Variants in PHACTR2 observed in about 807,000 individuals in gnomAD.
PHACTR2 encodes the protein phosphatase and actin regulator 2, also known as chromosome 6 open reading frame 56.
A neutral mutation model predicts 76.0 loss-of-function variants in PHACTR2; 30 were observed. The observed-to-expected ratio is 0.39, with a 90% CI of 0.30 to 0.54. The LOEUF is 0.54. Among genes scored for constraint, PHACTR2 ranks in the 20% least tolerant of loss-of-function variants. The pLI is 0.61. For missense variants in PHACTR2, 696 were observed against 781.1 expected (o/e 0.89, Z 1.30); for synonymous variants, 292 against 292.5 (o/e 1.00, Z 0.02).
At position 143,611,095 on chromosome 6, in the gene PHACTR2, T is replaced by C. The variant is rs9496700; in HGVS notation, c.13+2773T>C. 6.6e-6 allele frequency among the ~76,000 whole-genome samples: 1 copy of C among 152,122 alleles called. No homozygotes were observed. The highest frequency in any genetic ancestry group is 2.4e-5 in the African/African-American group (1 of 41,394). ...CAGAGGCAAAGTTGATTGGTGTGTG[T>C]TTTTTATCTGAAACACAATTTTTGA... On this transcript the variant is annotated intron_variant, in intron 1 of 11. Coordinates refer to the PHACTR2 transcript ENST00000305766. The surrounding 1 kb of genome is among the most constrained non-coding windows in gnomAD (Gnocchi z 4.4).
intron 1 of PHACTR2, among the ~76,000 whole-genome samples, chr6:143,544,253 G>GGAAA (rs1554286377): frequency 1.4e-5 from 2 of 144,070 alleles, no homozygotes; most frequent in Non-Finnish European, 2.9e-5. Flanking sequence ...GGAGGGAGTG[G>GGAAA]GAAGGAAGGA....
In PHACTR2 at chr6:143,775,780, G is replaced by A. The variant is rs1775259586; in HGVS notation, c.1590-1548G>A. Among the ~76,000 whole-genome samples the A allele has an allele frequency of 6.6e-6, 1 of 152,186 alleles. No individual in the cohort carries two copies. Among genetic ancestry groups the A allele is most frequent in the Non-Finnish European group, 1.5e-5 (1 of 68,034 alleles). The stretch of plus-strand genomic sequence containing the variant: ...TTATCATAGTAAGGAGTAAAAAAGT[G>A]TGAAGTATCCTATACCCACCTCAAT... On this transcript the variant is annotated intron_variant, in intron 8 of 12. Coordinates refer to ENST00000440869, the MANE Select transcript of PHACTR2 (RefSeq NM_001100164.2). The surrounding 1 kb of genome is among the most constrained non-coding windows in gnomAD (Gnocchi z 4.4).
At position 143,561,257 on chromosome 6, in the gene PHACTR2, C is replaced by CA. The variant is rs2128429533; in HGVS notation, c.217+24051dup. The CA allele has an allele frequency of 6.6e-6, 1 of 152,444 alleles. No individual in the cohort carries two copies. The highest frequency in any genetic ancestry group is 2.1e-4 in the South Asian group (1 of 4,824). 9.4% of individuals were successfully genotyped at this position (152,444 alleles called of 1,614,324 possible). ...ATTTCCCCTCCTCACCCTGTGATGACAGTCTTAGCACTCAAGATGTGGTGA... is the reference window on the plus strand; with the variant it reads ...ATTTCCCCTCCTCACCCTGTGATGACAAGTCTTAGCACTCAAGATGTGGTGA... On this transcript the variant is annotated intron_variant, in intron 1 of 11. Transcript: ENST00000367584. This position sits in a 1 kb window ranked among gnomAD's most constrained non-coding sequence, Gnocchi z 4.1.
At chr6:143,773,509 T>C (rs1277694109) in intron 7 of PHACTR2, among the ~76,000 whole-genome samples, 5 of 147,774 alleles carry the variant, frequency 3.4e-5, no homozygotes, top group Admixed American at 3.4e-4. Flanking sequence ...CTTTTTCAAA[T>C]CCCTTTTAAT....
rs1775597168 is a variant in PHACTR2 at position 143,583,617 on chromosome 6, A to G, written c.217+46410A>G. Reference sequence around the variant, plus strand: ...GTATGGAGAGAGCGAGGGCTAAAGTAGAGACTGTAGATATTATGTGCCTAA... The same window carrying G: ...GTATGGAGAGAGCGAGGGCTAAAGTGGAGACTGTAGATATTATGTGCCTAA... On this transcript the variant is annotated intron_variant, in intron 1 of 11. Coordinates refer to the PHACTR2 transcript ENST00000367584. This position sits in a 1 kb window ranked among gnomAD's most constrained non-coding sequence, Gnocchi z 4.0. Among the ~76,000 whole-genome samples the G allele has an allele frequency of 1.3e-5, 2 of 152,398 alleles. No homozygotes were observed. Among genetic ancestry groups the G allele is most frequent in the South Asian group, 4.1e-4 (2 of 4,830 alleles).
Position 143,554,775 on chromosome 6 carries a change from G to A in PHACTR2, c.217+17568G>A, listed in dbSNP as rs1775147986. 1 of 152,100 alleles carries A rather than the reference G, an allele frequency of 6.6e-6. No homozygotes were observed. Among genetic ancestry groups the A allele is most frequent in the African/African-American group, 2.4e-5 (1 of 41,410 alleles). The allele number at this position is 152,100 out of a possible 1,614,324, so 9.4% of individuals were successfully genotyped here. On this transcript the variant is annotated intron_variant, in intron 1 of 11. Transcript: ENST00000367584. The surrounding 1 kb of genome is among the most constrained non-coding windows in gnomAD (Gnocchi z 5.9). Reference sequence around the variant, plus strand: ...ACTGCCAGTCTAAGAGGTCAAAAGTGTAATTTTGTCTTTCCCTGATTACTA... The same window carrying A: ...ACTGCCAGTCTAAGAGGTCAAAAGTATAATTTTGTCTTTCCCTGATTACTA...
intron 1 of PHACTR2, among the ~76,000 whole-genome samples, chr6:143,649,322 TAAACA>T (rs1167982793): frequency 2.0e-5 from 3 of 152,142 alleles, no homozygotes; most frequent in Non-Finnish European, 4.4e-5. Context: ...AAAATGCTGG[TAAACA>T]CTAACTAATT....
chr6:143,635,818 T>C (rs138292882), intron 1 of PHACTR2, among the ~76,000 whole-genome samples: 44 of 152,350 alleles, frequency 2.9e-4, no homozygotes, highest in African/African-American at 1.0e-3. Flanking sequence ...TTTATTTGTA[T>C]GTAAATAAGA....
intron 1 of PHACTR2, among the ~76,000 whole-genome samples, chr6:143,668,983 T>G (rs891233152): frequency 7.9e-5 from 12 of 152,228 alleles, no homozygotes; most frequent in Non-Finnish European, 4.4e-5. Flanking sequence ...TTTTAGATCT[T>G]TCCTGCTTTC....
rs752411940 is a variant in PHACTR2 at position 143,760,445 on chromosome 6, C to T, written c.499C>T (p.Pro167Ser). The part of the protein sequence containing the change: ...HSETPAAPAL[P>S]PSAPPKPRPK... ...TGAAACACCGGCAGCTCCTGCTCTA[C>T]CTCCTTCTGCTCCTCCTAAGCCTAG... is the stretch of plus-strand genomic sequence containing the variant. The change falls in exon 5 of 13, where the codon CCT (proline) becomes TCT (serine). Residue 167 changes from proline (P) to serine (S), a missense_variant. Transcript: ENST00000440869. This position sits in a 1 kb window ranked among gnomAD's most constrained non-coding sequence, Gnocchi z 6.4. 4 of 1,613,568 alleles carry T rather than the reference C, an allele frequency of 2.5e-6. No homozygotes were observed. In the East Asian group the frequency reaches 8.9e-5, roughly 36 times the overall value.
At chr6:143,752,198 G>A (rs949665051) in intron 3 of PHACTR2, among the ~76,000 whole-genome samples, 2 of 151,968 alleles carry the variant, frequency 1.3e-5, no homozygotes, top group Non-Finnish European at 2.9e-5. Flanking sequence ...TCATTGACAT[G>A]ACTTCAATAT....
rs1302546048 is a variant in PHACTR2 at position 143,826,509 on chromosome 6, A to G, written c.*2820A>G. The stretch of plus-strand genomic sequence containing the variant: ...AGTTCCCAAGATATGATTAAGGAAG[A>G]AAACAAACCCATCTCCAGGAAGATC... On this transcript the variant is annotated 3_prime_UTR_variant, in exon 13 of 13. Transcript: ENST00000440869. 2 of 152,346 alleles carry G rather than the reference A, an allele frequency of 1.3e-5. No homozygotes were observed. The highest frequency in any genetic ancestry group is 1.9e-4 in the East Asian group (1 of 5,186). The allele number at this position is 152,346 out of a possible 1,614,324, so 9.4% of individuals were successfully genotyped here.
Position 143,678,060 on chromosome 6 carries a change from A to G in PHACTR2, c.-104A>G. The G allele has an allele frequency of 6.5e-7, 1 of 1,535,776 alleles. No individual in the cohort carries two copies. Among genetic ancestry groups the G allele is most frequent in the Non-Finnish European group, 8.8e-7 (1 of 1,140,032 alleles). ...GAGGGGACCCGGCGGGCCGCTCGGCACAGGCCGGGACATGAACGCCTGGAA... is the reference window on the plus strand; with the variant it reads ...GAGGGGACCCGGCGGGCCGCTCGGCGCAGGCCGGGACATGAACGCCTGGAA... On this transcript the variant is annotated 5_prime_UTR_variant, in exon 1 of 13. Transcript: ENST00000440869. The surrounding 1 kb of genome is among the most constrained non-coding windows in gnomAD (Gnocchi z 6.2).
At chr6:143,573,677 G>A (rs1775473840) in intron 1 of PHACTR2, among the ~76,000 whole-genome samples, 1 of 150,246 alleles carries the variant, frequency 6.7e-6, no homozygotes, top group African/African-American at 2.5e-5. Context: ...CATGTTATTT[G>A]TCCCTGTGTT....
chr6:143,789,187 A>G lies in PHACTR2; in HGVS notation c.1845+277A>G, dbSNP rs59042501. The G allele has an allele frequency of 0.12, 32,344 of 269,210 alleles. 2,253 individuals are homozygous for G. The highest frequency in any genetic ancestry group is 0.24 in the East Asian group (3,858 of 16,004). The allele number at this position is 269,210 out of a possible 1,614,324, so 16.7% of individuals were successfully genotyped here. The stretch of plus-strand genomic sequence containing the variant: ...TTTCTCACATCCAGGATTTATCCTT[A>G]CTCTTAGAAAATATAACTTATACAA... On this transcript the variant is annotated intron_variant, in intron 11 of 12. Coordinates refer to ENST00000440869, the MANE Select transcript of PHACTR2 (RefSeq NM_001100164.2). This position sits in a 1 kb window ranked among gnomAD's most constrained non-coding sequence, Gnocchi z 5.1.
chr6:143,601,715 G>A (rs1383081803), intron 1 of PHACTR2, among the ~76,000 whole-genome samples: 1 of 152,114 alleles, frequency 6.6e-6, no homozygotes, highest in Non-Finnish European at 1.5e-5. Context: ...GGACTCCTGG[G>A]TCCCAGATGG....
rs1434205236 is a variant in PHACTR2, at chr6:143,589,560, C to T, written c.217+52353C>T. Among the ~76,000 whole-genome samples the T allele has an allele frequency of 6.6e-6, 1 of 152,200 alleles. No homozygotes were observed. Among genetic ancestry groups the T allele is most frequent in the African/African-American group, 2.4e-5 (1 of 41,444 alleles). On this transcript the variant is annotated intron_variant, in intron 1 of 11. Transcript: ENST00000367584. The surrounding 1 kb of genome is among the most constrained non-coding windows in gnomAD (Gnocchi z 4.4). ...GCAATGCGAGAACAGACTGATACAA[C>T]TGCCGTCTTGTATCCTCAGGTGGTC... is the stretch of plus-strand genomic sequence containing the variant.
At position 143,556,015 on chromosome 6, in the gene PHACTR2, A is replaced by G. The variant is rs891921191; in HGVS notation, c.217+18808A>G. On this transcript the variant is annotated intron_variant, in intron 1 of 11. Coordinates refer to the PHACTR2 transcript ENST00000367584. The surrounding 1 kb of genome is among the most constrained non-coding windows in gnomAD (Gnocchi z 4.3). ...AATTTTTTTAAAAAGAAACAGAAAA[A>G]AAACAAAAAGAAAAGAGACCAAACC... Among the ~76,000 whole-genome samples, 3 of 152,148 alleles carry G rather than the reference A, an allele frequency of 2.0e-5. No individual in the cohort carries two copies. The highest frequency in any genetic ancestry group is 4.4e-5 in the Non-Finnish European group (3 of 68,030).
At chr6:143,726,672 TC>T (rs1419150159) in intron 2 of PHACTR2, among the ~76,000 whole-genome samples, 4 of 152,230 alleles carry the variant, frequency 2.6e-5, no homozygotes, top group Admixed American at 6.5e-5. Flanking sequence ...TTGGGCTGCA[TC>T]CATCTCTTGG....
Sources: gnomAD v4.1 joint callset for allele counts (sites outside exome capture counted in the v4.1 genomes callset) on GRCh38, gnomAD v4.1.1 for gene constraint, Gnocchi (gnomAD v3.1) non-coding constraint, MANE v1.5 for transcripts, NCBI Gene and HGNC (gene_info 2026-07-23, HGNC 2026-07-21) for gene names.